The following NRXN1 variants were observed in gnomAD, a reference collection of about 807,000 sequenced individuals.
The protein encoded by NRXN1 is neurexin-1.
NRXN1 carries 39 observed loss-of-function variants against 150.9 expected under a neutral mutation model. The observed-to-expected ratio is 0.26, with a 90% confidence interval of 0.20 to 0.34. The LOEUF is 0.34. Ranked by LOEUF, NRXN1 falls within the 10% of genes least tolerant of loss-of-function variation. NRXN1 has a pLI of 1.00. For synonymous variants in NRXN1, 924 were observed against 757.0 expected (o/e 1.22, Z -3.62); for missense variants, 1,815 against 1,949.9 (o/e 0.93, Z 1.30).
At chr2:50,174,347 G>T (rs1485253404) in intron 18 of NRXN1, among the ~76,000 whole-genome samples, 1 of 152,066 alleles carries the variant, frequency 6.6e-6, no homozygotes, top group Non-Finnish European at 1.5e-5. Flanking sequence ...ATTCAAATAA[G>T]AGTATTCACC....
At chr2:50,941,676 A>G (rs1228433869) in intron 2 of NRXN1, among the ~76,000 whole-genome samples, 3 of 152,154 alleles carry the variant, frequency 2.0e-5, no homozygotes, top group Non-Finnish European at 4.4e-5. Flanking sequence ...AAAGCATTCA[A>G]TATGTGACCT....
chr2:50,965,164 G>T (rs1390080207), intron 2 of NRXN1, among the ~76,000 whole-genome samples: 1 of 151,080 alleles, frequency 6.6e-6, no homozygotes, highest in Non-Finnish European at 1.5e-5. Flanking sequence ...ACACACATAT[G>T]TATATAGATA....
intron 8 of NRXN1, among the ~76,000 whole-genome samples, chr2:50,579,048 T>G (rs1443736383): frequency 1.3e-5 from 2 of 152,192 alleles, no homozygotes; most frequent in Non-Finnish European, 2.9e-5. Flanking sequence ...TTGACATGCT[T>G]CTCTACAGAA....
chr2:49,960,540 C>T (rs1675747269), intron 21 of NRXN1, among the ~76,000 whole-genome samples: 3 of 152,098 alleles, frequency 2.0e-5, no homozygotes, highest in Admixed American at 2.0e-4. Context: ...TCAAATTTGA[C>T]AGATCCTTCC....
chr2:50,187,350 A>C (rs1011539075), intron 18 of NRXN1, among the ~76,000 whole-genome samples: 2 of 152,068 alleles, frequency 1.3e-5, no homozygotes, highest in Admixed American at 1.3e-4. Context: ...TTTAAAACAA[A>C]TTTTCCCATT....
chr2:50,602,665 G>C (rs727209), intron 8 of NRXN1, among the ~76,000 whole-genome samples: 34,654 of 151,428 alleles, frequency 0.23, 4,420 homozygotes, highest in East Asian at 0.39. Context: ...TAAAATTACT[G>C]ATGGCTCAGA....
At position 50,496,139 on chromosome 2, in the gene NRXN1, A is replaced by G. The variant is rs1268024776; in HGVS notation, c.2880-44T>C. The stretch of plus-strand genomic sequence containing the variant: ...AGGGGAAAGTGCCATCACTTTTTAA[A>G]TTTTGATGAACCTAAAGTAGATATT... On this transcript the variant is annotated intron_variant, in intron 14 of 22. Transcript: ENST00000401669. The G allele has an allele frequency of 5.4e-6, 8 of 1,468,800 alleles. No homozygotes were observed. In the South Asian group the frequency reaches 6.2e-5, roughly 11 times the overall value. The allele number at this position is 1,468,800 out of a possible 1,614,324, so 91.0% of individuals were successfully genotyped here. A position where few individuals can be genotyped will look rare whatever the true frequency, so the allele number is the denominator to read the frequency against.
intron 17 of NRXN1, among the ~76,000 whole-genome samples, chr2:50,273,055 A>C (rs1465820835): frequency 6.6e-6 from 1 of 152,194 alleles, no homozygotes; most frequent in Non-Finnish European, 1.5e-5. Context: ...GGCTCTAAAC[A>C]TACAAAAACA....
At chr2:50,646,640 CG>C (rs1363868993) in intron 5 of NRXN1, among the ~76,000 whole-genome samples, 16 of 151,004 alleles carry the variant, frequency 1.1e-4, no homozygotes, top group African/African-American at 3.9e-4. Context: ...TATTCAACTA[CG>C]GAAAAGTCCC....
chr2:50,161,693 G>T (rs1351119509), intron 18 of NRXN1, among the ~76,000 whole-genome samples: 1 of 152,096 alleles, frequency 6.6e-6, no homozygotes, highest in African/African-American at 2.4e-5. Flanking sequence ...TCAGCAGTAT[G>T]TTATATTCAC....
intron 22 of NRXN1, among the ~76,000 whole-genome samples, chr2:49,928,914 T>C (rs1669630130): frequency 6.6e-6 from 1 of 152,102 alleles, no homozygotes; most frequent in Non-Finnish European, 1.5e-5. Context: ...CAGACAAGTC[T>C]TGAGAGAGGA....
chr2:50,216,956 A>G (rs879431581), intron 18 of NRXN1, among the ~76,000 whole-genome samples: 2 of 152,098 alleles, frequency 1.3e-5, no homozygotes, highest in Non-Finnish European at 2.9e-5. Context: ...GAACCTATTT[A>G]ATGTTTTGTC....
intron 12 of NRXN1, among the ~76,000 whole-genome samples, chr2:50,515,299 C>A (rs1006295227): frequency 1.4e-4 from 21 of 152,246 alleles, no homozygotes; most frequent in African/African-American, 5.1e-4. Flanking sequence ...TAAACAACCT[C>A]TAGTTTTACT....
chr2:50,230,026 G>T (rs1343530919), intron 18 of NRXN1, among the ~76,000 whole-genome samples: 1 of 152,016 alleles, frequency 6.6e-6, no homozygotes, highest in Non-Finnish European at 1.5e-5. Context: ...AAGGAGTAGT[G>T]ATCACAGGAT....
At position 50,727,463 on chromosome 2, in the gene NRXN1, C is replaced by T. The variant is rs557878858; in HGVS notation, c.833-103848G>A. On this transcript the variant is annotated intron_variant, in intron 5 of 22. Transcript: ENST00000401669. Reference sequence around the variant, plus strand: ...GCATCATTACACACACACACACCTACACATCCTTCCGTATGGCTAAAAACA... The same window carrying T: ...GCATCATTACACACACACACACCTATACATCCTTCCGTATGGCTAAAAACA... 2.8e-4 allele frequency among the ~76,000 whole-genome samples: 42 copies of T among 150,952 alleles called. No homozygotes were observed. In the South Asian group the frequency reaches 8.6e-3, roughly 31 times the overall value.
At chr2:50,422,997 TA>T in intron 17 of NRXN1, among the ~76,000 whole-genome samples, 1 of 152,164 alleles carries the variant, frequency 6.6e-6, no homozygotes, top group Non-Finnish European at 1.5e-5. Flanking sequence ...GCTGGCCAAA[TA>T]AAACCCAAAG....
intron 18 of NRXN1, among the ~76,000 whole-genome samples, chr2:50,150,743 T>C (rs968130053): frequency 6.6e-6 from 1 of 151,746 alleles, no homozygotes; most frequent in Non-Finnish European, 1.5e-5. Flanking sequence ...TACAGGAACA[T>C]GATGCTTCCC....
Position 50,922,706 on chromosome 2 carries a change from C to T in NRXN1, c.791-19G>A. The T allele has an allele frequency of 6.2e-7, 1 of 1,609,542 alleles. No homozygotes were observed. Among genetic ancestry groups the T allele is most frequent in the Non-Finnish European group, 8.5e-7 (1 of 1,177,622 alleles). ...GCCAGACCTTGAAGGGAAACAAGAG[C>T]ACAGTCAGCAATAAACAAGGGAGCA... On this transcript the variant is annotated intron_variant, in intron 3 of 22. Coordinates refer to ENST00000401669, the MANE Select transcript of NRXN1 (RefSeq NM_001330078.2).
At chr2:50,436,055 A>G (rs2085393468) in intron 17 of NRXN1, among the ~76,000 whole-genome samples, 1 of 152,222 alleles carries the variant, frequency 6.6e-6, no homozygotes, top group Non-Finnish European at 1.5e-5. Flanking sequence ...CAAGTTTAAA[A>G]AAGAAAAATC....
Sources: gnomAD v4.1 joint callset for allele counts (sites outside exome capture counted in the v4.1 genomes callset) on GRCh38, gnomAD v4.1.1 for gene constraint, MANE v1.5 for transcripts, NCBI Gene and HGNC (gene_info 2026-07-23, HGNC 2026-07-21) for gene names.